Variants in SPAG16 observed in about 807,000 individuals in gnomAD.
SPAG16 encodes sperm associated antigen 16.
Under a neutral mutation model 80.4 loss-of-function variants are expected in SPAG16, and 86 were observed. The ratio of observed to expected loss-of-function variants is 1.07; its 90% confidence interval spans 0.90 to 1.28. The LOEUF (loss-of-function observed/expected upper bound fraction) is 1.28, where lower values mean the gene tolerates loss of function less well. Among genes scored for constraint, SPAG16 ranks in the 50% most tolerant of loss-of-function variants. The pLI is 0.00. For missense variants in SPAG16, 870 were observed against 765.3 expected, an observed-to-expected ratio of 1.14 and a Z score of -1.61; for synonymous variants, 294 against 265.9, an observed-to-expected ratio of 1.11 and a Z score of -1.03.
chr2:214,261,332 C>G lies in SPAG16; in HGVS notation c.1720+112066C>G, dbSNP rs146915204. Among the ~76,000 whole-genome samples, 320 of 152,066 alleles carry G rather than the reference C, an allele frequency of 2.1e-3. 2 individuals carry two copies. The highest frequency in any genetic ancestry group is 7.3e-3 in the African/African-American group (303 of 41,484). On this transcript the variant is annotated intron_variant, in intron 15 of 15. Transcript: ENST00000331683. ...CAGAAGCCCCCTGGAATTCCCAATACTGATGCACTCCCTGATTCTCTTCCT... is the reference window on the plus strand; with the variant it reads ...CAGAAGCCCCCTGGAATTCCCAATAGTGATGCACTCCCTGATTCTCTTCCT...
At chr2:213,362,906 GC>G (rs2066065639) in intron 7 of SPAG16, among the ~76,000 whole-genome samples, 1 of 152,056 alleles carries the variant, frequency 6.6e-6, no homozygotes, top group African/African-American at 2.4e-5. Context: ...TTCCCCCTAG[GC>G]CCCACCTCCA....
chr2:213,660,921 T>C (rs1019627595), intron 10 of SPAG16, among the ~76,000 whole-genome samples: 1 of 152,200 alleles, frequency 6.6e-6, no homozygotes, highest in Non-Finnish European at 1.5e-5. Context: ...TAAGTAGTGC[T>C]GGCTTCCAGA....
chr2:213,965,980 C>T (rs1236578719), intron 12 of SPAG16, among the ~76,000 whole-genome samples: 1 of 152,186 alleles, frequency 6.6e-6, no homozygotes, highest in Non-Finnish European at 1.5e-5. Context: ...ATAATAAGCT[C>T]ACTGCATTCA....
intron 5 of SPAG16, among the ~76,000 whole-genome samples, chr2:213,336,637 T>G (rs1460261263): frequency 6.6e-6 from 1 of 152,124 alleles, no homozygotes; most frequent in Non-Finnish European, 1.5e-5. Context: ...GCTAGACTGC[T>G]TCCTTAAGTA....
At chr2:213,791,104 A>G (rs181464780) in intron 10 of SPAG16, among the ~76,000 whole-genome samples, 5 of 152,198 alleles carry the variant, frequency 3.3e-5, no homozygotes, top group South Asian at 2.1e-4. Context: ...TGGTGTGGAC[A>G]TAGTAATAAG....
intron 15 of SPAG16, among the ~76,000 whole-genome samples, chr2:214,370,326 T>A (rs2126086636): frequency 6.6e-6 from 1 of 152,294 alleles, no homozygotes; most frequent in Admixed American, 6.5e-5. Flanking sequence ...ATGTGTCCAC[T>A]CCCATCCATG....
At chr2:213,592,813 C>T (rs1002479321) in intron 10 of SPAG16, among the ~76,000 whole-genome samples, 6 of 152,166 alleles carry the variant, frequency 3.9e-5, no homozygotes, top group African/African-American at 7.2e-5. Context: ...GTGATCACTT[C>T]GTCAGACTGA....
At chr2:213,480,566 C>A (rs2073693620) in intron 9 of SPAG16, among the ~76,000 whole-genome samples, 1 of 152,168 alleles carries the variant, frequency 6.6e-6, no homozygotes, top group Non-Finnish European at 1.5e-5. Context: ...AGAAACAGGT[C>A]ACCATTTTCA....
intron 10 of SPAG16, among the ~76,000 whole-genome samples, chr2:213,665,232 T>C (rs1314918485): frequency 6.6e-6 from 1 of 152,154 alleles, no homozygotes; most frequent in East Asian, 1.9e-4. Flanking sequence ...ATGTTTATAT[T>C]AGCTTTCCAA....
intron 13 of SPAG16, among the ~76,000 whole-genome samples, chr2:214,048,136 T>C (rs2049442123): frequency 6.6e-6 from 1 of 151,926 alleles, no homozygotes; most frequent in Non-Finnish European, 1.5e-5. Context: ...AGTTTGGAGG[T>C]TCCTCAAAAA....
intron 10 of SPAG16, among the ~76,000 whole-genome samples, chr2:213,858,070 A>G (rs2075254748): frequency 6.6e-6 from 1 of 152,190 alleles, no homozygotes; most frequent in South Asian, 2.1e-4. Flanking sequence ...CAAAGAAAGT[A>G]GTTTCTTGGG....
At chr2:213,607,632 G>A (rs1187013623) in intron 10 of SPAG16, among the ~76,000 whole-genome samples, 6 of 152,320 alleles carry the variant, frequency 3.9e-5, no homozygotes, top group African/African-American at 1.4e-4. Context: ...ACAAGGCTTA[G>A]ATGCACACCG....
chr2:214,168,458 CCT>C (rs2056748613), intron 15 of SPAG16, among the ~76,000 whole-genome samples: 1 of 151,992 alleles, frequency 6.6e-6, no homozygotes, highest in South Asian at 2.1e-4. Flanking sequence ...AAATTAACTA[CCT>C]CTTTCTTTCT....
intron 5 of SPAG16, among the ~76,000 whole-genome samples, chr2:213,327,148 A>G (rs1483807327): frequency 9.0e-6 from 1 of 111,118 alleles, no homozygotes; most frequent in Admixed American, 1.1e-4. Flanking sequence ...ACTTGAAACA[A>G]TGTCTGTTTG....
intron 10 of SPAG16, among the ~76,000 whole-genome samples, chr2:213,788,625 C>T (rs2070491264): frequency 6.6e-6 from 1 of 151,858 alleles, no homozygotes; most frequent in Non-Finnish European, 1.5e-5. Context: ...CCTAGAGGAG[C>T]CTGATATGCT....
chr2:213,348,878 G>A (rs887155737), intron 6 of SPAG16, among the ~76,000 whole-genome samples: 1 of 152,072 alleles, frequency 6.6e-6, no homozygotes, highest in African/African-American at 2.4e-5. Context: ...TTCTTGAGGA[G>A]TATCTTTGTG....
chr2:214,170,765 A>G (rs2056844484), intron 15 of SPAG16, among the ~76,000 whole-genome samples: 2 of 151,992 alleles, frequency 1.3e-5, no homozygotes, highest in Admixed American at 1.3e-4. Flanking sequence ...TGATTACATG[A>G]CATGTTGCTG....
intron 10 of SPAG16, among the ~76,000 whole-genome samples, chr2:213,607,690 GC>G (rs1408710829): frequency 3.3e-5 from 5 of 152,188 alleles, no homozygotes; most frequent in Non-Finnish European, 7.3e-5. Flanking sequence ...TGAGTTATCT[GC>G]CCTCTTCACT....
At chr2:213,612,589 A>G (rs1398596950) in intron 10 of SPAG16, among the ~76,000 whole-genome samples, 1 of 152,238 alleles carries the variant, frequency 6.6e-6, no homozygotes, top group African/African-American at 2.4e-5. Flanking sequence ...AAATCATAAA[A>G]TCAACCACCA....
Sources: gnomAD v4.1 joint callset for allele counts (sites outside exome capture counted in the v4.1 genomes callset) on GRCh38, gnomAD v4.1.1 for gene constraint, MANE v1.5 for transcripts, NCBI Gene and HGNC (gene_info 2026-07-23, HGNC 2026-07-21) for gene names.